The following MEIS2 variants were observed in gnomAD, a reference collection of about 807,000 sequenced individuals.
The protein encoded by MEIS2 is homeobox protein Meis2.
Under a neutral mutation model 58.6 loss-of-function variants are expected in MEIS2, and 9 were observed. The observed-to-expected ratio is 0.15, with a 90% CI of 0.09 to 0.27. The LOEUF is 0.27. MEIS2 is among the 10% of genes least tolerant of loss of function. MEIS2 has a pLI of 1.00. For missense variants in MEIS2, 427 were observed against 635.0 expected, an observed-to-expected ratio of 0.67 and a Z score of 3.52; for synonymous variants, 221 against 228.4, an observed-to-expected ratio of 0.97 and a Z score of 0.29.
intron 9 of MEIS2, among the ~76,000 whole-genome samples, chr15:36,948,027 T>C (rs1384105345): frequency 6.6e-6 from 1 of 151,968 alleles, no homozygotes; most frequent in Admixed American, 6.6e-5. Flanking sequence ...AGGTATTTGC[T>C]ATACTATCCT....
Position 36,926,155 on chromosome 15 carries a change from CT to C in MEIS2, c.977+24168del, listed in dbSNP as rs779356754. The stretch of plus-strand genomic sequence containing the variant: ...GGAAAATGAAAGTATATTTCATTTC[CT>C]TTTTTTTTTTTTCTTGAAAGGTCAC... On this transcript the variant is annotated intron_variant, in intron 9 of 11. Transcript: ENST00000561208. Among the ~76,000 whole-genome samples, 512 of 144,428 alleles carry C rather than the reference CT, an allele frequency of 3.5e-3. 2 individuals carry two copies. The highest frequency in any genetic ancestry group is 0.019 in the South Asian group (85 of 4,564). The allele number at this position is 144,428 out of a possible 152,430, so 94.8% of individuals were successfully genotyped here. A position where few individuals can be genotyped will look rare whatever the true frequency, so the allele number is the denominator to read the frequency against.
chr15:36,985,089 T>G (rs1240386570), intron 8 of MEIS2, among the ~76,000 whole-genome samples: 1 of 152,178 alleles, frequency 6.6e-6, no homozygotes, highest in Non-Finnish European at 1.5e-5. Flanking sequence ...TTTTTTTCCC[T>G]CTTATACTCT....
At chr15:37,054,225 G>A (rs530039360) in intron 7 of MEIS2, among the ~76,000 whole-genome samples, 2 of 152,082 alleles carry the variant, frequency 1.3e-5, no homozygotes, top group South Asian at 4.1e-4. Flanking sequence ...TGTTTTTTAT[G>A]TCTAGCCTCA....
intron 8 of MEIS2, among the ~76,000 whole-genome samples, chr15:36,974,080 A>G (rs375301290): frequency 6.6e-6 from 1 of 152,298 alleles, no homozygotes; most frequent in South Asian, 2.1e-4. Context: ...ATTTCCTAGA[A>G]ATTCGAAGAG....
At chr15:36,900,588 C>T (rs867516517) in intron 9 of MEIS2, among the ~76,000 whole-genome samples, 1 of 152,160 alleles carries the variant, frequency 6.6e-6, no homozygotes, top group African/African-American at 2.4e-5. Context: ...TCTGACTCAA[C>T]TCAGAGATGA....
intron 8 of MEIS2, among the ~76,000 whole-genome samples, chr15:36,955,536 T>C (rs924424359): frequency 1.3e-5 from 2 of 152,202 alleles, no homozygotes; most frequent in Non-Finnish European, 2.9e-5. Context: ...TCTGTTATGG[T>C]AAAATGAGAG....
chr15:37,076,422 T>C (rs1449688594), intron 7 of MEIS2, among the ~76,000 whole-genome samples: 1 of 151,944 alleles, frequency 6.6e-6, no homozygotes, highest in East Asian at 1.9e-4. Context: ...AAAAATCAAT[T>C]GAAAAATCAG....
chr15:36,959,709 T>G (rs917902502), intron 8 of MEIS2, among the ~76,000 whole-genome samples: 1 of 152,142 alleles, frequency 6.6e-6, no homozygotes, highest in African/African-American at 2.4e-5. Flanking sequence ...TTTATACATG[T>G]AAAGAACTGG....
chr15:36,979,677 CATT>C (rs1425769552), intron 8 of MEIS2, among the ~76,000 whole-genome samples: 2 of 147,290 alleles, frequency 1.4e-5, no homozygotes, highest in African/African-American at 4.9e-5. Flanking sequence ...CATACATTTC[CATT>C]ATTATATATA....
chr15:36,976,370 C>G (rs930155907), intron 8 of MEIS2, among the ~76,000 whole-genome samples: 1 of 151,942 alleles, frequency 6.6e-6, no homozygotes, highest in Non-Finnish European at 1.5e-5. Context: ...AGGCGTGAGC[C>G]ACCGCGCCTG....
upstream of MEIS2, chr15:37,101,205 T>G (rs1421172434): frequency 6.6e-6 from 1 of 151,624 alleles, no homozygotes; most frequent in Admixed American, 6.6e-5. Flanking sequence ...CTCCAAGCGG[T>G]GCGGACAAGG....
At chr15:36,948,001 C>A (rs780525777) in intron 9 of MEIS2, among the ~76,000 whole-genome samples, 5 of 151,896 alleles carry the variant, frequency 3.3e-5, no homozygotes, top group Non-Finnish European at 7.4e-5. Flanking sequence ...ACATTAAATT[C>A]TTGGTAGTTT....
chr15:37,036,998 G>T (rs753940996), intron 7 of MEIS2, 39 bp from the exon 8 acceptor site: 2 of 1,566,856 alleles, frequency 1.3e-6, no homozygotes, highest in African/African-American at 2.8e-5. Flanking sequence ...AGAAAACATC[G>T]CAAGGTGCCA....
At chr15:37,099,275 C>T (rs1268791157) in intron 1 of MEIS2, 180 bp downstream of exon 1, 26 of 1,467,140 alleles carry the variant, frequency 1.8e-5, no homozygotes, top group Non-Finnish European at 2.0e-5. Context: ...CACACTCGCA[C>T]ACACGCAGAG....
intron 1 of MEIS2, chr15:37,099,140 G>A: frequency 8.8e-7 from 1 of 1,142,556 alleles, no homozygotes; most frequent in Non-Finnish European, 1.1e-6. Context: ...GGTAAAAGCT[G>A]GAGCGAGGCG....
At chr15:37,040,549 C>CT (rs2062381259) in intron 7 of MEIS2, among the ~76,000 whole-genome samples, 1 of 152,096 alleles carries the variant, frequency 6.6e-6, no homozygotes, top group African/African-American at 2.4e-5. Context: ...ACCCACAGGG[C>CT]TTTTTTGCAG....
chr15:37,046,711 G>A (rs1182471179), intron 7 of MEIS2, among the ~76,000 whole-genome samples: 2 of 151,972 alleles, frequency 1.3e-5, no homozygotes, highest in East Asian at 1.9e-4. Context: ...CAATTTACCC[G>A]TTAGGAACCA....
intron 8 of MEIS2, among the ~76,000 whole-genome samples, chr15:37,009,279 A>G (rs1046380985): frequency 2.0e-5 from 3 of 152,030 alleles, no homozygotes; most frequent in Non-Finnish European, 4.4e-5. Context: ...ACAGAGCGAG[A>G]CTCCGTCTCA....
intron 8 of MEIS2, among the ~76,000 whole-genome samples, chr15:37,011,932 C>T (rs12438771): frequency 0.4 from 60,008 of 151,882 alleles, 13,708 homozygotes; most frequent in South Asian, 0.55. Context: ...TTTTACAGTC[C>T]ATAGATCCCT....
Sources: gnomAD v4.1 joint callset for allele counts (sites outside exome capture counted in the v4.1 genomes callset) on GRCh38, gnomAD v4.1.1 for gene constraint, MANE v1.5 for transcripts, NCBI Gene and HGNC (gene_info 2026-07-23, HGNC 2026-07-21) for gene names.